The following LYPD6 variants were observed in gnomAD, a reference collection of about 807,000 sequenced individuals.
The protein encoded by LYPD6 is ly6/PLAUR domain-containing protein 6.
LYPD6 carries 15 observed loss-of-function variants against 22.7 expected under a neutral mutation model. The observed-to-expected ratio is 0.66, with a 90% CI of 0.44 to 1.02. The LOEUF is 1.02. Ranked by LOEUF, LYPD6 falls within the 50% of genes least tolerant of loss-of-function variation. The pLI, the probability that LYPD6 is intolerant of heterozygous loss-of-function variation, is 0.00. For synonymous variants in LYPD6, 72 were observed against 77.5 expected, an observed-to-expected ratio of 0.93 and a Z score of 0.37; for missense variants, 189 against 208.4, an observed-to-expected ratio of 0.91 and a Z score of 0.57.
At chr2:149,437,599 C>T in intron 1 of LYPD6, 39 bp from the exon 2 acceptor site, 7 of 1,545,438 alleles carry the variant, frequency 4.5e-6, no homozygotes, top group Non-Finnish European at 5.2e-6. Flanking sequence ...GTGGCTTTCT[C>T]CAGTCGATCA....
chr2:149,441,349 T>C (rs959159738), intron 2 of LYPD6, among the ~76,000 whole-genome samples: 2 of 152,152 alleles, frequency 1.3e-5, no homozygotes, highest in Non-Finnish European at 2.9e-5. Context: ...AGGAGAAATA[T>C]GGTGATGCTG....
chr2:149,364,029 C>T (rs1386162131), intron 1 of LYPD6, among the ~76,000 whole-genome samples: 1 of 152,066 alleles, frequency 6.6e-6, no homozygotes, highest in Non-Finnish European at 1.5e-5. Context: ...TATCTCACTC[C>T]TTAGCTAGTA....
At chr2:149,443,418 T>C (rs1201799624) in intron 2 of LYPD6, among the ~76,000 whole-genome samples, 1 of 152,154 alleles carries the variant, frequency 6.6e-6, no homozygotes, top group Non-Finnish European at 1.5e-5. Flanking sequence ...GTGGTACGAG[T>C]AGCTTGCAGC....
At chr2:149,337,184 G>C (rs564192830) in intron 1 of LYPD6, among the ~76,000 whole-genome samples, 11 of 152,136 alleles carry the variant, frequency 7.2e-5, no homozygotes, top group African/African-American at 2.4e-4. Context: ...TGCTTGCCTT[G>C]GTGTCTAGCA....
intron 1 of LYPD6, among the ~76,000 whole-genome samples, chr2:149,418,555 A>G (rs977942993): frequency 6.6e-6 from 1 of 150,768 alleles, no homozygotes; most frequent in Admixed American, 6.6e-5. Context: ...ACCAACTTCT[A>G]ACATATGGAA....
At chr2:149,474,722 T>C (rs554800168), downstream of LYPD6, among the ~76,000 whole-genome samples, 1 of 152,256 alleles carries the variant, frequency 6.6e-6, no homozygotes, top group East Asian at 1.9e-4. Flanking sequence ...TTTAGAAAAT[T>C]TGATTTTGAA....
chr2:149,340,215 A>G (rs1413881962), intron 1 of LYPD6, among the ~76,000 whole-genome samples: 2 of 152,194 alleles, frequency 1.3e-5, no homozygotes, highest in African/African-American at 4.8e-5. Flanking sequence ...GGAGAGATAA[A>G]GGTTATTTTA....
intron 1 of LYPD6, among the ~76,000 whole-genome samples, chr2:149,409,571 G>A (rs990919574): frequency 6.6e-6 from 1 of 152,106 alleles, no homozygotes; most frequent in African/African-American, 2.4e-5. Context: ...CACCAGGTTG[G>A]GGCAGGGATA....
intron 2 of LYPD6, among the ~76,000 whole-genome samples, chr2:149,447,440 T>A (rs1683713366): frequency 6.6e-6 from 1 of 152,208 alleles, no homozygotes; most frequent in Non-Finnish European, 1.5e-5. Context: ...GTCCTCAGGC[T>A]AGAACTGGTA....
chr2:149,347,883 A>G (rs1360830417), intron 1 of LYPD6, among the ~76,000 whole-genome samples: 1 of 152,062 alleles, frequency 6.6e-6, no homozygotes, highest in Non-Finnish European at 1.5e-5. Context: ...CTGTCAGGCA[A>G]CAAGTACTTT....
chr2:149,333,425 G>A (rs1209936056), intron 1 of LYPD6, among the ~76,000 whole-genome samples: 4 of 152,152 alleles, frequency 2.6e-5, no homozygotes, highest in African/African-American at 7.2e-5. Context: ...TAAGTGTTGA[G>A]CTTACTACTA....
chr2:149,431,839 G>C (rs533209363), intron 1 of LYPD6, among the ~76,000 whole-genome samples: 2 of 152,282 alleles, frequency 1.3e-5, no homozygotes, highest in African/African-American at 4.8e-5. Context: ...CAAAGAATGG[G>C]AGAGGATATT....
At chr2:149,361,335 T>A (rs1010701369) in intron 1 of LYPD6, among the ~76,000 whole-genome samples, 9 of 152,190 alleles carry the variant, frequency 5.9e-5, no homozygotes, top group African/African-American at 2.2e-4. Flanking sequence ...GTGACACAGT[T>A]ACAAATAGAG....
chr2:149,348,189 A>G (rs1185826375), intron 1 of LYPD6, among the ~76,000 whole-genome samples: 1 of 152,164 alleles, frequency 6.6e-6, no homozygotes. Flanking sequence ...TTCTGGGTGG[A>G]AATACAATAA....
At chr2:149,442,830 A>G (rs570812925) in intron 2 of LYPD6, among the ~76,000 whole-genome samples, 4 of 152,288 alleles carry the variant, frequency 2.6e-5, no homozygotes, top group South Asian at 2.1e-4. Flanking sequence ...GTCATTAATC[A>G]GGGTGTGATT....
intron 4 of LYPD6, among the ~76,000 whole-genome samples, chr2:149,470,153 A>G (rs901393076): frequency 2.6e-5 from 4 of 152,194 alleles, no homozygotes; most frequent in Non-Finnish European, 2.9e-5. Flanking sequence ...GGTGTAAAGC[A>G]GGAGTAACTG....
intron 1 of LYPD6, among the ~76,000 whole-genome samples, chr2:149,351,287 G>A (rs1319490752): frequency 2.0e-5 from 3 of 151,566 alleles, no homozygotes; most frequent in African/African-American, 4.8e-5. Flanking sequence ...CCAGCTACTC[G>A]GGAGGCTGAG....
At chr2:149,341,933 T>C (rs1449041880) in intron 1 of LYPD6, among the ~76,000 whole-genome samples, 1 of 152,174 alleles carries the variant, frequency 6.6e-6, no homozygotes, top group Non-Finnish European at 1.5e-5. Flanking sequence ...AGGGAAACCA[T>C]AGCAGATTGG....
At chr2:149,409,758 G>C (rs1682812203) in intron 1 of LYPD6, among the ~76,000 whole-genome samples, 1 of 152,106 alleles carries the variant, frequency 6.6e-6, no homozygotes, top group Non-Finnish European at 1.5e-5. Flanking sequence ...GCTTCGTCCT[G>C]CTTCCACACA....
Sources: gnomAD v4.1 joint callset for allele counts (sites outside exome capture counted in the v4.1 genomes callset) on GRCh38, gnomAD v4.1.1 for gene constraint, MANE v1.5 for transcripts, NCBI Gene and HGNC (gene_info 2026-07-23, HGNC 2026-07-21) for gene names.